CHN2: variants seen among roughly 807,000 people sequenced by gnomAD.
CHN2 encodes chimerin 2.
CHN2 carries 35 observed loss-of-function variants against 56.3 expected under a neutral mutation model. The observed-to-expected ratio is 0.62, with a 90% CI of 0.47 to 0.82. The LOEUF (loss-of-function observed/expected upper bound fraction) is 0.82, where lower values mean the gene tolerates loss of function less well. Ranked by LOEUF, CHN2 falls within the 40% of genes least tolerant of loss-of-function variation. CHN2 has a pLI of 0.00. For missense variants in CHN2, 491 were observed against 580.5 expected, an observed-to-expected ratio of 0.85 and a Z score of 1.58; for synonymous variants, 210 against 212.8, an observed-to-expected ratio of 0.99 and a Z score of 0.12.
intron 3 of CHN2, among the ~76,000 whole-genome samples, chr7:29,385,559 A>G (rs1430095262): frequency 6.6e-6 from 1 of 152,292 alleles, no homozygotes; most frequent in South Asian, 2.1e-4. Context: ...AGGAGGTCCC[A>G]CTTTTAAGTA....
intron 6 of CHN2, among the ~76,000 whole-genome samples, chr7:29,430,210 C>T (rs956458657): frequency 6.6e-6 from 1 of 152,134 alleles, no homozygotes; most frequent in African/African-American, 2.4e-5. Context: ...TTTCAGGATG[C>T]GTTGGAGCTG....
chr7:29,215,684 T>A (rs754963509), intron 1 of CHN2, among the ~76,000 whole-genome samples: 14 of 151,954 alleles, frequency 9.2e-5, no homozygotes, highest in Non-Finnish European at 1.6e-4. Context: ...AGGTCTTTAG[T>A]GTGTGAGTAT....
intron 6 of CHN2, among the ~76,000 whole-genome samples, chr7:29,414,270 C>T (rs1482548915): frequency 6.6e-6 from 1 of 152,078 alleles, no homozygotes; most frequent in Non-Finnish European, 1.5e-5. Flanking sequence ...TTGAAACACC[C>T]CCGAACTCTG....
chr7:29,306,959 C>T lies in CHN2; in HGVS notation c.50-47666C>T, dbSNP rs73684848. ...TCAGCGTTAAAGATGTGACTAGTAA[C>T]GTCCAAGCCTCCTTCCTCTTAAGAG... is the stretch of plus-strand genomic sequence containing the variant. On this transcript the variant is annotated intron_variant, in intron 1 of 12. Transcript: ENST00000222792. Among the ~76,000 whole-genome samples the T allele has an allele frequency of 2.0e-3, 310 of 152,318 alleles. 1 individual carries two copies. Among genetic ancestry groups the T allele is most frequent in the South Asian group, 8.3e-3 (40 of 4,826 alleles).
intron 3 of CHN2, among the ~76,000 whole-genome samples, chr7:29,384,213 A>G (rs879731476): frequency 3.3e-5 from 5 of 152,154 alleles, no homozygotes; most frequent in Non-Finnish European, 7.4e-5. Flanking sequence ...AACAATTTTC[A>G]TATCAACCCA....
intron 2 of CHN2, among the ~76,000 whole-genome samples, chr7:29,174,104 G>A (rs913223573): frequency 2.0e-4 from 30 of 152,156 alleles, no homozygotes; most frequent in African/African-American, 6.8e-4. Context: ...TCTTGAGGAA[G>A]ACTAGGGCAG....
At chr7:29,216,383 G>A (rs1419934616) in intron 1 of CHN2, among the ~76,000 whole-genome samples, 1 of 152,218 alleles carries the variant, frequency 6.6e-6, no homozygotes. Flanking sequence ...ACTGTATCAA[G>A]TGCTGTCTCT....
intron 6 of CHN2, among the ~76,000 whole-genome samples, chr7:29,433,868 GGGGAGGAAGGGAGGAA>G (rs57306490): frequency 2.7e-4 from 39 of 146,578 alleles, no homozygotes; most frequent in African/African-American, 1.0e-3. Context: ...GAAGGGAGAG[GGGGAGGAAGGGAGGAA>G]GGGAGGAAGG....
intron 4 of CHN2, among the ~76,000 whole-genome samples, chr7:29,396,486 T>A (rs1031239157): frequency 5.8e-5 from 7 of 121,030 alleles, no homozygotes; most frequent in South Asian, 2.7e-4. Context: ...AAAAAAAAAA[T>A]CTAGCTGCTT....
chr7:29,512,557 T>C lies in CHN2; in HGVS notation c.1236-7T>C, dbSNP rs1433616872. ...TAATGTCTCTGTTCTATATGTTTGTTTTGCAGGGTTACTATGAATGAAAAA... is the reference window on the plus strand; with the variant it reads ...TAATGTCTCTGTTCTATATGTTTGTCTTGCAGGGTTACTATGAATGAAAAA... On this transcript the variant is annotated splice_region_variant and splice_polypyrimidine_tract_variant and intron_variant, in intron 12 of 12. Coordinates refer to ENST00000222792, the MANE Select transcript of CHN2 (RefSeq NM_004067.4). 1.2e-6 allele frequency: 2 copies of C among 1,609,084 alleles called. No homozygotes were observed. Among genetic ancestry groups the C allele is most frequent in the Admixed American group, 3.4e-5 (2 of 59,006 alleles).
At chr7:29,288,047 G>T (rs536916438) in intron 1 of CHN2, among the ~76,000 whole-genome samples, 229 of 152,048 alleles carry the variant, frequency 1.5e-3, no homozygotes, top group African/African-American at 4.9e-3. Flanking sequence ...TATTTAAAAT[G>T]ACAATATGAA....
At chr7:29,268,839 C>T (rs987156318) in intron 1 of CHN2, among the ~76,000 whole-genome samples, 1 of 152,198 alleles carries the variant, frequency 6.6e-6, no homozygotes, top group African/African-American at 2.4e-5. Context: ...AGAGGAAACA[C>T]CTTGATTCAC....
chr7:29,296,417 A>G (rs1226139402), intron 1 of CHN2, among the ~76,000 whole-genome samples: 1 of 151,960 alleles, frequency 6.6e-6, no homozygotes, highest in African/African-American at 2.4e-5. Context: ...AGCTATATCT[A>G]ATGTGTTTTA....
intron 1 of CHN2, among the ~76,000 whole-genome samples, chr7:29,208,493 C>T (rs529320971): frequency 6.6e-6 from 1 of 152,248 alleles, no homozygotes; most frequent in African/African-American, 2.4e-5. Flanking sequence ...GAAATCTGGC[C>T]ACCCTGGGCA....
chr7:29,391,715 T>G (rs1484637831), intron 3 of CHN2, among the ~76,000 whole-genome samples: 1 of 152,208 alleles, frequency 6.6e-6, no homozygotes, highest in East Asian at 1.9e-4. Flanking sequence ...CGTTTCCCTC[T>G]GCTGCAAGTG....
At chr7:29,451,616 G>C (rs62457782) in intron 6 of CHN2, among the ~76,000 whole-genome samples, 3 of 152,080 alleles carry the variant, frequency 2.0e-5, no homozygotes, top group Middle Eastern at 3.4e-3. Context: ...TCATATACGC[G>C]AAGAAGAGAG....
intron 1 of CHN2, among the ~76,000 whole-genome samples, chr7:29,294,467 A>G (rs1042599249): frequency 1.3e-5 from 2 of 152,160 alleles, no homozygotes; most frequent in Admixed American, 6.5e-5. Flanking sequence ...ATCCACAGAA[A>G]CACTTTCTCA....
At chr7:29,458,377 GCA>G (rs58364010) in intron 6 of CHN2, among the ~76,000 whole-genome samples, 40,428 of 135,560 alleles carry the variant, frequency 0.3, 5,700 homozygotes, top group African/African-American at 0.37. Flanking sequence ...GCATAGCTGT[GCA>G]CACACACACA....
intron 7 of CHN2, among the ~76,000 whole-genome samples, chr7:29,480,929 C>T (rs968578379): frequency 2.0e-5 from 3 of 152,156 alleles, no homozygotes; most frequent in Non-Finnish European, 4.4e-5. Flanking sequence ...ATCCTGCTCA[C>T]CAGACCAAAC....
Sources: allele counts gnomAD v4.1 joint callset (sites outside exome capture counted in the v4.1 genomes callset), GRCh38; gene constraint gnomAD v4.1.1; transcripts MANE v1.5; gene names NCBI Gene and HGNC (gene_info 2026-07-23, HGNC 2026-07-21).